The following ZMAT4 variants were observed in gnomAD, a reference collection of about 807,000 sequenced individuals.
ZMAT4 encodes zinc finger matrin-type 4, also known as zinc finger matrin-type protein 4.
A neutral mutation model predicts 28.7 loss-of-function variants in ZMAT4; 17 were observed. That is an observed-to-expected ratio of 0.59 (90% CI 0.41 to 0.89). ZMAT4 has a LOEUF of 0.89. Ranked by LOEUF, ZMAT4 falls within the 40% of genes least tolerant of loss-of-function variation. The pLI is 0.00. For missense variants in ZMAT4, 240 were observed against 283.8 expected (o/e 0.85, Z 1.11); for synonymous variants, 117 against 109.2 (o/e 1.07, Z -0.44).
intron 1 of ZMAT4, 121 bp from the exon 2 acceptor site, chr8:40,825,801 A>G (rs1816014430): frequency 1.4e-6 from 1 of 692,404 alleles, no homozygotes; most frequent in African/African-American, 1.8e-5. Flanking sequence ...AGAGGGGTGG[A>G]TCTCCCTACA....
intron 6 of ZMAT4, among the ~76,000 whole-genome samples, chr8:40,561,456 C>T (rs1274956812): frequency 6.6e-6 from 1 of 152,098 alleles, no homozygotes; most frequent in Non-Finnish European, 1.5e-5. Flanking sequence ...ATGTAAGCAC[C>T]AGGTTCTCCT....
chr8:40,858,117 A>T (rs969414681), intron 1 of ZMAT4, among the ~76,000 whole-genome samples: 3 of 152,178 alleles, frequency 2.0e-5, no homozygotes, highest in African/African-American at 7.2e-5. Flanking sequence ...TACACTTAAG[A>T]TCTATGCGTT....
chr8:40,575,253 C>T (rs570584978), intron 6 of ZMAT4, among the ~76,000 whole-genome samples: 6 of 152,100 alleles, frequency 3.9e-5, no homozygotes, highest in Non-Finnish European at 5.9e-5. Context: ...CAGACATGTC[C>T]CTGAATTGCT....
intron 2 of ZMAT4, among the ~76,000 whole-genome samples, chr8:40,820,833 G>A (rs532053996): frequency 7.1e-5 from 8 of 113,040 alleles, no homozygotes; most frequent in African/African-American, 2.2e-4. Flanking sequence ...GTATGTTTAT[G>A]TGTGTATGTG....
intron 3 of ZMAT4, among the ~76,000 whole-genome samples, chr8:40,763,200 C>A (rs1813008120): frequency 6.6e-6 from 1 of 152,162 alleles, no homozygotes; most frequent in Non-Finnish European, 1.5e-5. Context: ...AGATCCTGAT[C>A]TGTGTTGGGG....
intron 6 of ZMAT4, among the ~76,000 whole-genome samples, chr8:40,540,242 T>C (rs553283234): frequency 6.6e-6 from 1 of 152,330 alleles, no homozygotes; most frequent in African/African-American, 2.4e-5. Context: ...CTCCTCTTCC[T>C]GTGTGGAACC....
intron 5 of ZMAT4, among the ~76,000 whole-genome samples, chr8:40,635,797 A>C (rs1242694959): frequency 6.6e-6 from 1 of 152,200 alleles, no homozygotes. Flanking sequence ...AATATTTGCT[A>C]TTGTAGGGTA....
At chr8:40,665,954 T>C (rs1808397650) in intron 5 of ZMAT4, among the ~76,000 whole-genome samples, 1 of 152,240 alleles carries the variant, frequency 6.6e-6, no homozygotes, top group Non-Finnish European at 1.5e-5. Context: ...TGAATTCTTT[T>C]GTTCTGTGTC....
chr8:40,649,893 A>G (rs1206218331), intron 5 of ZMAT4, among the ~76,000 whole-genome samples: 6 of 151,986 alleles, frequency 3.9e-5, no homozygotes, highest in African/African-American at 1.5e-4. Flanking sequence ...CAAAGACACA[A>G]CATACCAGAA....
At chr8:40,785,549 T>C (rs889701028) in intron 2 of ZMAT4, among the ~76,000 whole-genome samples, 1 of 152,212 alleles carries the variant, frequency 6.6e-6, no homozygotes, top group Non-Finnish European at 1.5e-5. Flanking sequence ...TCAAACTCAG[T>C]TCTGCTTGTC....
intron 1 of ZMAT4, among the ~76,000 whole-genome samples, chr8:40,832,040 G>A (rs1458134403): frequency 6.6e-6 from 1 of 152,096 alleles, no homozygotes; most frequent in Non-Finnish European, 1.5e-5. Flanking sequence ...AGCTCCTAAG[G>A]GGCGCTCAGT....
chr8:40,608,117 T>A (rs1288521936), intron 5 of ZMAT4, among the ~76,000 whole-genome samples: 1 of 152,110 alleles, frequency 6.6e-6, no homozygotes, highest in Non-Finnish European at 1.5e-5. Context: ...TCTCAGGCAG[T>A]GGGCAGGGCC....
At chr8:40,607,116 T>A (rs1805619238) in intron 5 of ZMAT4, among the ~76,000 whole-genome samples, 2 of 122,094 alleles carry the variant, frequency 1.6e-5, no homozygotes, top group Admixed American at 9.1e-5. Context: ...ATATCTTGTA[T>A]CTTTTTTTTT....
At chr8:40,640,084 C>G (rs527783042) in intron 5 of ZMAT4, among the ~76,000 whole-genome samples, 4 of 152,226 alleles carry the variant, frequency 2.6e-5, no homozygotes, top group South Asian at 2.1e-4. Flanking sequence ...TCAAGTAATC[C>G]TCCCACCTCA....
At chr8:40,776,786 C>G (rs1290667772) in intron 2 of ZMAT4, among the ~76,000 whole-genome samples, 2 of 152,162 alleles carry the variant, frequency 1.3e-5, no homozygotes, top group African/African-American at 4.8e-5. Context: ...ACAACATGAG[C>G]CAATCCTGAG....
At chr8:40,698,544 C>G (rs1809994177) in intron 3 of ZMAT4, among the ~76,000 whole-genome samples, 2 of 152,166 alleles carry the variant, frequency 1.3e-5, no homozygotes, top group Non-Finnish European at 1.5e-5. Flanking sequence ...TTCTCTTATT[C>G]CTAGTGAGCC....
chr8:40,626,439 A>G (rs113817170), intron 5 of ZMAT4, among the ~76,000 whole-genome samples: 85 of 152,310 alleles, frequency 5.6e-4, no homozygotes, highest in African/African-American at 1.9e-3. Context: ...CTCATGCTTA[A>G]AGGAAGAAAC....
chr8:40,817,305 G>A (rs988164149), intron 2 of ZMAT4, among the ~76,000 whole-genome samples: 4 of 152,160 alleles, frequency 2.6e-5, no homozygotes, highest in Non-Finnish European at 5.9e-5. Context: ...TCAGTCTCAG[G>A]AAGGAAGTAG....
chr8:40,881,394 G>T (rs1398032915), intron 1 of ZMAT4, among the ~76,000 whole-genome samples: 2 of 141,870 alleles, frequency 1.4e-5, no homozygotes, highest in Non-Finnish European at 3.1e-5. Context: ...TCAAAAGAAA[G>T]AAAGAGAGAG....
Sources: allele counts gnomAD v4.1 joint callset (sites outside exome capture counted in the v4.1 genomes callset), GRCh38; gene constraint gnomAD v4.1.1; transcripts MANE v1.5; gene names NCBI Gene and HGNC (gene_info 2026-07-23, HGNC 2026-07-21).